The following POC1B variants were observed in gnomAD, a reference collection of about 807,000 sequenced individuals.
POC1B encodes the protein POC1 centriolar protein B.
POC1B carries 44 observed loss-of-function variants against 60.6 expected under a neutral mutation model. That is an observed-to-expected ratio of 0.73 (90% CI 0.57 to 0.93). The LOEUF is 0.93. Ranked by LOEUF, POC1B falls within the 40% of genes least tolerant of loss-of-function variation. POC1B has a pLI of 0.00. For synonymous variants in POC1B, 180 were observed against 198.9 expected (o/e 0.90, Z 0.80); for missense variants, 555 against 572.3 (o/e 0.97, Z 0.31).
At chr12:89,502,802 G>C in intron 2 of POC1B, 1 of 1,311,868 alleles carries the variant, frequency 7.6e-7, no homozygotes, top group South Asian at 1.3e-5. Flanking sequence ...TAACTTTGGT[G>C]ACCTTTCGTG....
chr12:89,492,498 C>A (rs1161189836), intron 3 of POC1B, among the ~76,000 whole-genome samples: 1 of 152,170 alleles, frequency 6.6e-6, no homozygotes, highest in Non-Finnish European at 1.5e-5. Flanking sequence ...TTTCACCTTA[C>A]ATTGTATCTA....
At chr12:89,523,983 G>T (rs968998218) in intron 2 of POC1B, 4 of 1,613,922 alleles carry the variant, frequency 2.5e-6, no homozygotes, top group South Asian at 1.1e-5. Context: ...GATTGCTGAT[G>T]TAAGTTTCAA....
intron 10 of POC1B, among the ~76,000 whole-genome samples, chr12:89,448,260 C>T (rs536960592): frequency 2.6e-5 from 4 of 152,028 alleles, no homozygotes; most frequent in East Asian, 1.9e-4. Context: ...GACAACATGG[C>T]GAGACCTCAT....
At chr12:89,508,362 T>C (rs975500924) in intron 2 of POC1B, among the ~76,000 whole-genome samples, 2 of 152,254 alleles carry the variant, frequency 1.3e-5, no homozygotes, top group Non-Finnish European at 2.9e-5. Context: ...TTGCTCTTTG[T>C]CTTTATTGAC....
chr12:89,493,773 C>T (rs1869104019), intron 3 of POC1B, among the ~76,000 whole-genome samples: 1 of 152,200 alleles, frequency 6.6e-6, no homozygotes, highest in Admixed American at 6.5e-5. Context: ...TTCTGTTTGC[C>T]TCCTTTCTAA....
chr12:89,472,357 GGCT>G, intron 4 of POC1B, 82 bp from the exon 5 acceptor site: 1 of 888,468 alleles, frequency 1.1e-6, no homozygotes, highest in Non-Finnish European at 1.8e-6. Context: ...AAATAAACCA[GGCT>G]GTAAATATTA....
intron 2 of POC1B, 173 bp downstream of exon 2, chr12:89,524,947 G>T: frequency 2.9e-6 from 3 of 1,030,136 alleles, no homozygotes; most frequent in Non-Finnish European, 4.2e-6. Context: ...GGGCCGGGAT[G>T]GCAGAGGGGG....
intron 10 of POC1B, among the ~76,000 whole-genome samples, chr12:89,440,774 G>A (rs1019242242): frequency 8.5e-5 from 13 of 152,208 alleles, no homozygotes; most frequent in African/African-American, 1.7e-4. Flanking sequence ...GGGGCTTGTC[G>A]GACAGTGGGT....
intron 2 of POC1B, among the ~76,000 whole-genome samples, chr12:89,518,711 G>A (rs1870603658): frequency 6.6e-6 from 1 of 152,030 alleles, no homozygotes. Flanking sequence ...CTAATGTACT[G>A]TCTCTATGGA....
chr12:89,472,173 G>A lies in POC1B; in HGVS notation c.555C>T (p.Ser185=), dbSNP rs768223224. The A allele has an allele frequency of 1.6e-5, 25 of 1,573,236 alleles. No individual in the cohort carries two copies. Among genetic ancestry groups the A allele is most frequent in the Non-Finnish European group, 2.1e-5 (24 of 1,145,640 alleles). Residue 185 remains serine (S), a synonymous_variant, in exon 5 of 12, where the codon TCC becomes TCT. Coordinates refer to ENST00000313546, the MANE Select transcript of POC1B (RefSeq NM_172240.3). ...CACAAAGAAAGTGTACTTACCCAAC[G>A]GAATCTGAGAAGTTATTAACACATT... ...NKQCVNNFSD[S]VGFANFVDFN...
intron 2 of POC1B, 83 bp from the exon 3 acceptor site, chr12:89,497,425 A>G: frequency 7.3e-7 from 1 of 1,360,876 alleles, no homozygotes; most frequent in Non-Finnish European, 1.0e-6. Flanking sequence ...AGCATATCTA[A>G]TAACAAGGCA....
chr12:89,523,260 G>A (rs2230282), intron 2 of POC1B: 176,996 of 1,613,950 alleles, frequency 0.11, 10,503 homozygotes, highest in Middle Eastern at 0.16. Flanking sequence ...TAGGAAAAAC[G>A]TTTTTCAAAT....
chr12:89,476,856 AGCACTCAGG>A (rs1182116512), intron 4 of POC1B, among the ~76,000 whole-genome samples: 1 of 152,182 alleles, frequency 6.6e-6, no homozygotes, highest in East Asian at 1.9e-4. Context: ...ACACATTCCC[AGCACTCAGG>A]GCTCTGGGAC....
intron 4 of POC1B, among the ~76,000 whole-genome samples, chr12:89,479,582 A>G: frequency 6.6e-6 from 1 of 152,130 alleles, no homozygotes; most frequent in East Asian, 1.9e-4. Context: ...GTTAAATTAG[A>G]TTATAACAAA....
At chr12:89,407,182 A>T in the POC1B span, among the ~76,000 whole-genome samples, 29 of 150,828 alleles carry the variant, frequency 1.9e-4, 1 homozygote, top group Admixed American at 1.5e-3. Flanking sequence ...GGAAACCAGA[A>T]ATCTAGATTT....
At chr12:89,441,393 C>G (rs894855037) in intron 10 of POC1B, among the ~76,000 whole-genome samples, 5 of 152,140 alleles carry the variant, frequency 3.3e-5, no homozygotes, top group African/African-American at 1.2e-4. Context: ...CCTCATATGG[C>G]CGGGTCCCCC....
chr12:89,456,920 A>T (rs1238323456), intron 10 of POC1B, among the ~76,000 whole-genome samples: 1 of 152,236 alleles, frequency 6.6e-6, no homozygotes, highest in African/African-American at 2.4e-5. Context: ...ACACCATAAC[A>T]AACTTCTTTT....
At chr12:89,433,658 C>T (rs955222429) in intron 10 of POC1B, among the ~76,000 whole-genome samples, 3 of 152,076 alleles carry the variant, frequency 2.0e-5, no homozygotes, top group Admixed American at 6.6e-5. Context: ...CTGGGGCTGA[C>T]GAATTACCAA....
At chr12:89,503,993 G>T (rs1436212601) in intron 2 of POC1B, among the ~76,000 whole-genome samples, 4 of 139,890 alleles carry the variant, frequency 2.9e-5, no homozygotes, top group Non-Finnish European at 6.2e-5. Context: ...GAGGTGGGGG[G>T]CGCCTCTGCC....
Sources: gnomAD v4.1 joint callset for allele counts (sites outside exome capture counted in the v4.1 genomes callset) on GRCh38, gnomAD v4.1.1 for gene constraint, MANE v1.5 for transcripts, NCBI Gene and HGNC (gene_info 2026-07-23, HGNC 2026-07-21) for gene names.